SEMA5A: variants seen among roughly 807,000 people sequenced by gnomAD.
SEMA5A encodes semaphorin 5A.
SEMA5A carries 55 observed loss-of-function variants against 135.5 expected under a neutral mutation model. The ratio of observed to expected loss-of-function variants is 0.41; its 90% confidence interval spans 0.33 to 0.51. The LOEUF is 0.51. Among genes scored for constraint, SEMA5A ranks in the 20% least tolerant of loss-of-function variants. The pLI, the probability that SEMA5A is intolerant of heterozygous loss-of-function variation, is 0.37. For synonymous variants in SEMA5A, 580 were observed against 546.5 expected (o/e 1.06, Z -0.85); for missense variants, 1,290 against 1,419.9 (o/e 0.91, Z 1.47).
chr5:9,210,336 T>A (rs1207426226), intron 8 of SEMA5A, among the ~76,000 whole-genome samples: 2 of 152,194 alleles, frequency 1.3e-5, no homozygotes, highest in Admixed American at 6.5e-5. Context: ...TACAGTGTTT[T>A]CAGAGCACCG....
chr5:9,388,356 T>G (rs957060713), intron 2 of SEMA5A, among the ~76,000 whole-genome samples: 1 of 152,012 alleles, frequency 6.6e-6, no homozygotes, highest in African/African-American at 2.4e-5. Context: ...TTAGATAAAA[T>G]TATTATTTAC....
At chr5:9,543,046 C>G (rs895609602) in intron 1 of SEMA5A, among the ~76,000 whole-genome samples, 1 of 152,142 alleles carries the variant, frequency 6.6e-6, no homozygotes, top group Non-Finnish European at 1.5e-5. Flanking sequence ...AACTAATCAC[C>G]AAGTTAAGTA....
intron 5 of SEMA5A, among the ~76,000 whole-genome samples, chr5:9,268,546 T>G (rs1012963): frequency 0.43 from 65,473 of 151,926 alleles, 14,283 homozygotes; most frequent in South Asian, 0.47. Context: ...GATCTGGAAT[T>G]TGAATAAAGC....
chr5:9,253,356 C>T (rs40714), intron 5 of SEMA5A, among the ~76,000 whole-genome samples: 86,669 of 151,866 alleles, frequency 0.57, 24,763 homozygotes, highest in East Asian at 0.72. Flanking sequence ...GTTGTGATGA[C>T]GGATAATTAA....
chr5:9,289,318 T>C lies in SEMA5A; in HGVS notation c.270+29054A>G, dbSNP rs947112158. Reference sequence around the variant, plus strand: ...TTAAACTTAGTGCAATAATTTATGATAGAATGAATTAAAATTCTGTTTTCT... The same window carrying C: ...TTAAACTTAGTGCAATAATTTATGACAGAATGAATTAAAATTCTGTTTTCT... On this transcript the variant is annotated intron_variant, in intron 5 of 22. Coordinates refer to ENST00000382496, the MANE Select transcript of SEMA5A (RefSeq NM_003966.3). Among the ~76,000 whole-genome samples the C allele has an allele frequency of 7.2e-5, 11 of 152,358 alleles. No homozygotes were observed. The East Asian group carries it at 7.7e-4, about 11-fold the overall frequency.
chr5:9,115,565 G>A (rs905469342), intron 15 of SEMA5A, among the ~76,000 whole-genome samples: 1 of 152,212 alleles, frequency 6.6e-6, no homozygotes, highest in African/African-American at 2.4e-5. Context: ...GAGATTAACA[G>A]ACTGATGGGA....
intron 2 of SEMA5A, among the ~76,000 whole-genome samples, chr5:9,389,390 A>T (rs894957681): frequency 6.6e-5 from 10 of 152,116 alleles, no homozygotes; most frequent in African/African-American, 2.2e-4. Context: ...CTAGACTCAT[A>T]CATCAAAATA....
rs143966007 is a variant in SEMA5A, at chr5:9,100,323, G to A, written c.2073+7817C>T. On this transcript the variant is annotated intron_variant, in intron 16 of 22. Coordinates refer to ENST00000382496, the MANE Select transcript of SEMA5A (RefSeq NM_003966.3). ...CTCAGCCTCCTGTGGTCCCAGCTGCGGGCAAAATGGTGGTCAGTTCTTTGC... is the reference window on the plus strand; with the variant it reads ...CTCAGCCTCCTGTGGTCCCAGCTGCAGGCAAAATGGTGGTCAGTTCTTTGC... Among the ~76,000 whole-genome samples the A allele has an allele frequency of 1.7e-4, 26 of 152,218 alleles. No individual in the cohort carries two copies. In the East Asian group the frequency reaches 3.9e-3, roughly 23 times the overall value.
intron 12 of SEMA5A, among the ~76,000 whole-genome samples, chr5:9,137,237 A>T (rs1452103787): frequency 1.3e-5 from 2 of 152,238 alleles, no homozygotes; most frequent in East Asian, 3.8e-4. Context: ...CTCAAAAAAT[A>T]GGAGCATCTT....
chr5:9,160,340 G>A (rs558381230), intron 11 of SEMA5A, among the ~76,000 whole-genome samples: 11 of 152,224 alleles, frequency 7.2e-5, no homozygotes, highest in South Asian at 2.1e-4. Context: ...AGGTGGACTC[G>A]AGCATCCTTG....
intron 18 of SEMA5A, among the ~76,000 whole-genome samples, chr5:9,057,870 C>T (rs1176359505): frequency 6.6e-6 from 1 of 152,208 alleles, no homozygotes; most frequent in Non-Finnish European, 1.5e-5. Flanking sequence ...CAGGTTTCAA[C>T]CCACATCATG....
At chr5:9,474,971 C>A (rs1236856727) in intron 1 of SEMA5A, among the ~76,000 whole-genome samples, 2 of 152,204 alleles carry the variant, frequency 1.3e-5, no homozygotes, top group South Asian at 2.1e-4. Flanking sequence ...AGAAACCGAG[C>A]CTCACTGTCA....
At chr5:9,247,862 C>T (rs1365829669) in intron 5 of SEMA5A, among the ~76,000 whole-genome samples, 1 of 152,088 alleles carries the variant, frequency 6.6e-6, no homozygotes, top group Non-Finnish European at 1.5e-5. Context: ...ATAATATACT[C>T]TGTTCAAGAA....
intron 2 of SEMA5A, among the ~76,000 whole-genome samples, chr5:9,423,198 A>G (rs943482554): frequency 6.6e-6 from 1 of 152,178 alleles, no homozygotes; most frequent in Admixed American, 6.5e-5. Flanking sequence ...TCCCCACTAG[A>G]CTTGTTCCAA....
intron 2 of SEMA5A, among the ~76,000 whole-genome samples, chr5:9,409,250 G>C (rs953251429): frequency 2.0e-5 from 3 of 152,178 alleles, no homozygotes; most frequent in Admixed American, 6.5e-5. Context: ...CACTAGAAAA[G>C]ACAAAAGATA....
chr5:9,235,631 G>C (rs547862018), intron 6 of SEMA5A, among the ~76,000 whole-genome samples: 1 of 150,804 alleles, frequency 6.6e-6, no homozygotes, highest in East Asian at 2.0e-4. Context: ...CCTCAGGTCT[G>C]GGCTATCAGC....
intron 1 of SEMA5A, among the ~76,000 whole-genome samples, chr5:9,480,487 G>A (rs1157555624): frequency 6.6e-6 from 1 of 152,110 alleles, no homozygotes; most frequent in Non-Finnish European, 1.5e-5. Context: ...AAGGCTGCAG[G>A]CAATGAGACC....
chr5:9,294,575 G>A (rs1377637888), intron 5 of SEMA5A, among the ~76,000 whole-genome samples: 2 of 152,140 alleles, frequency 1.3e-5, no homozygotes, highest in Non-Finnish European at 2.9e-5. Flanking sequence ...CTTATACCTT[G>A]ACGAAAACTC....
At chr5:9,113,959 C>T (rs533334914) in intron 15 of SEMA5A, among the ~76,000 whole-genome samples, 1 of 152,108 alleles carries the variant, frequency 6.6e-6, no homozygotes, top group African/African-American at 2.4e-5. Flanking sequence ...ACAGTATACA[C>T]AAAAAAGTTA....
Sources: gnomAD v4.1 joint callset for allele counts (sites outside exome capture counted in the v4.1 genomes callset) on GRCh38, gnomAD v4.1.1 for gene constraint, MANE v1.5 for transcripts, NCBI Gene and HGNC (gene_info 2026-07-23, HGNC 2026-07-21) for gene names.